Variants in KIF6 observed in about 807,000 individuals in gnomAD.
The protein encoded by KIF6 is kinesin-like protein KIF6.
KIF6 carries 106 observed loss-of-function variants against 112.7 expected under a neutral mutation model. That is an observed-to-expected ratio of 0.94 (90% CI 0.80 to 1.11). The LOEUF (loss-of-function observed/expected upper bound fraction) is 1.11, where lower values mean the gene tolerates loss of function less well. Ranked by LOEUF, KIF6 falls within the 50% of genes least tolerant of loss-of-function variation. KIF6 has a pLI of 0.00. For synonymous variants in KIF6, 339 were observed against 339.9 expected (o/e 1.00, Z 0.03); for missense variants, 929 against 964.0 (o/e 0.96, Z 0.48).
At chr6:39,511,862 C>T (rs1393405239) in intron 13 of KIF6, among the ~76,000 whole-genome samples, 1 of 152,178 alleles carries the variant, frequency 6.6e-6, no homozygotes, top group Non-Finnish European at 1.5e-5. Context: ...CCAAACACTG[C>T]ATGTTCTCAC....
intron 10 of KIF6, among the ~76,000 whole-genome samples, chr6:39,562,418 C>T (rs1489685179): frequency 1.1e-4 from 17 of 152,282 alleles, no homozygotes; most frequent in Non-Finnish European, 1.5e-4. Flanking sequence ...ATAAGACATA[C>T]CCAGAATGAG....
chr6:39,580,505 C>G (rs1042498205), intron 9 of KIF6, among the ~76,000 whole-genome samples: 4 of 152,090 alleles, frequency 2.6e-5, no homozygotes, highest in African/African-American at 9.7e-5. Context: ...CTAGCTAGGA[C>G]TTCCAAGTTC....
intron 19 of KIF6, among the ~76,000 whole-genome samples, chr6:39,354,371 A>G (rs1346606220): frequency 6.6e-6 from 1 of 152,232 alleles, no homozygotes; most frequent in Non-Finnish European, 1.5e-5. Context: ...TTAGGCTTGG[A>G]CAGATGATCA....
chr6:39,537,416 CCAA>C (rs1778503678), intron 13 of KIF6, among the ~76,000 whole-genome samples: 1 of 151,968 alleles, frequency 6.6e-6, no homozygotes, highest in Middle Eastern at 3.2e-3. Flanking sequence ...TTCCTATACA[CCAA>C]CAACAGACAA....
At chr6:39,555,525 A>T (rs1410458794) in intron 10 of KIF6, among the ~76,000 whole-genome samples, 1 of 152,110 alleles carries the variant, frequency 6.6e-6, no homozygotes, top group African/African-American at 2.4e-5. Flanking sequence ...AATGGAACAG[A>T]GGTCTCTAGC....
chr6:39,638,986 G>A (rs889606626), intron 4 of KIF6, among the ~76,000 whole-genome samples: 4 of 152,078 alleles, frequency 2.6e-5, no homozygotes, highest in Non-Finnish European at 5.9e-5. Context: ...GCTACTTACA[G>A]GATGTGGGCC....
chr6:39,657,455 G>C (rs952987606), intron 3 of KIF6, among the ~76,000 whole-genome samples: 38 of 152,076 alleles, frequency 2.5e-4, no homozygotes, highest in African/African-American at 7.5e-4. Context: ...ATAGAGTTCT[G>C]CTCATTATTT....
chr6:39,354,135 G>A, intron 19 of KIF6: 1 of 354,258 alleles, frequency 2.8e-6, no homozygotes, highest in Admixed American at 3.2e-5. Flanking sequence ...TGGAAGGCAT[G>A]GCTAGCATGT....
At chr6:39,568,611 C>T (rs1021658843) in intron 10 of KIF6, among the ~76,000 whole-genome samples, 5 of 151,660 alleles carry the variant, frequency 3.3e-5, no homozygotes, top group African/African-American at 4.8e-5. Context: ...AGCACAGTGG[C>T]GCAACCTGGA....
At chr6:39,367,447 C>T (rs1765648047) in intron 16 of KIF6, among the ~76,000 whole-genome samples, 2 of 152,170 alleles carry the variant, frequency 1.3e-5, no homozygotes, top group Admixed American at 1.3e-4. Context: ...CGAGGTCACA[C>T]TGTTCATCTG....
At chr6:39,403,611 C>T (rs183864002) in intron 15 of KIF6, among the ~76,000 whole-genome samples, 3 of 152,326 alleles carry the variant, frequency 2.0e-5, no homozygotes, top group Admixed American at 2.0e-4. Flanking sequence ...AGAACCCTTA[C>T]AAACATCTGC....
intron 10 of KIF6, among the ~76,000 whole-genome samples, chr6:39,557,450 T>C (rs529435190): frequency 1.3e-5 from 2 of 152,280 alleles, no homozygotes; most frequent in East Asian, 1.9e-4. Context: ...AAAACAATGA[T>C]GCAGGACCTA....
chr6:39,609,039 G>A (rs1313087224), intron 6 of KIF6, among the ~76,000 whole-genome samples: 1 of 152,206 alleles, frequency 6.6e-6, no homozygotes, highest in Non-Finnish European at 1.5e-5. Context: ...CCATTTTACA[G>A]GTTAGAAAGT....
At chr6:39,415,702 C>T (rs141244993) in intron 15 of KIF6, among the ~76,000 whole-genome samples, 4 of 152,314 alleles carry the variant, frequency 2.6e-5, no homozygotes, top group East Asian at 3.9e-4. Flanking sequence ...CCTCCAATGA[C>T]GCTTAAGTAC....
intron 13 of KIF6, among the ~76,000 whole-genome samples, chr6:39,500,956 T>C (rs975778955): frequency 6.6e-6 from 1 of 151,940 alleles, no homozygotes; most frequent in Non-Finnish European, 1.5e-5. Flanking sequence ...AGATGGCCAA[T>C]TAGAAGCAGC....
At chr6:39,724,402 G>A (rs1790409995) in intron 1 of KIF6, among the ~76,000 whole-genome samples, 3 of 145,174 alleles carry the variant, frequency 2.1e-5, no homozygotes, top group South Asian at 2.2e-4. Flanking sequence ...GCAGTGAGCC[G>A]AGATCGCGCC....
chr6:39,495,779 C>A (rs1181027702), intron 13 of KIF6, among the ~76,000 whole-genome samples: 1 of 152,198 alleles, frequency 6.6e-6, no homozygotes, highest in African/African-American at 2.4e-5. Flanking sequence ...CCCTCTCTCA[C>A]TGAGTTTCTG....
intron 22 of KIF6, among the ~76,000 whole-genome samples, chr6:39,338,371 AT>A (rs1313268694): frequency 6.6e-6 from 1 of 152,178 alleles, no homozygotes; most frequent in Non-Finnish European, 1.5e-5. Flanking sequence ...GGAGGAAGAG[AT>A]TGGAAATAAT....
At chr6:39,413,219 G>A (rs1331836912) in intron 15 of KIF6, among the ~76,000 whole-genome samples, 1 of 152,004 alleles carries the variant, frequency 6.6e-6, no homozygotes, top group Admixed American at 6.6e-5. Flanking sequence ...CCCATTCACA[G>A]CTTTCTTTTT....
Sources: gnomAD v4.1 joint callset for allele counts (sites outside exome capture counted in the v4.1 genomes callset) on GRCh38, gnomAD v4.1.1 for gene constraint, MANE v1.5 for transcripts, NCBI Gene and HGNC (gene_info 2026-07-23, HGNC 2026-07-21) for gene names.